DEAF1: variants seen among roughly 807,000 people sequenced by gnomAD.
DEAF1 encodes DEAF1 transcription factor.
A neutral mutation model predicts 58.9 loss-of-function variants in DEAF1; 53 were observed. That is an observed-to-expected ratio of 0.90 (90% CI 0.72 to 1.13). The LOEUF (loss-of-function observed/expected upper bound fraction) is 1.13. DEAF1 is among the 50% of genes most tolerant of loss of function. The pLI, the probability that DEAF1 is intolerant of heterozygous loss-of-function variation, is 0.00. For synonymous variants in DEAF1, 385 were observed against 340.4 expected (o/e 1.13, Z -1.44); for missense variants, 685 against 791.4 (o/e 0.87, Z 1.61).
intron 1 of DEAF1, among the ~76,000 whole-genome samples, chr11:693,059 A>T (rs759805910): frequency 4.6e-5 from 7 of 152,272 alleles, no homozygotes; most frequent in Non-Finnish European, 8.8e-5. Flanking sequence ...GAGTTACTTA[A>T]ACCTGGAAAC....
chr11:671,045 C>T (rs1859801907), intron 10 of DEAF1, among the ~76,000 whole-genome samples: 1 of 150,990 alleles, frequency 6.6e-6, no homozygotes, highest in Admixed American at 6.6e-5. Flanking sequence ...TCTCCTGCCT[C>T]AGCCTCCCAA....
upstream of DEAF1, among the ~76,000 whole-genome samples, chr11:696,048 C>T (rs1861136762): frequency 6.6e-6 from 1 of 151,928 alleles, no homozygotes. Context: ...CGAAGAGCTC[C>T]CCCGCGCGCG....
At chr11:654,207 C>A (rs541693271) in intron 10 of DEAF1, among the ~76,000 whole-genome samples, 156 bp from the exon 11 acceptor site, 1 of 132,972 alleles carries the variant, frequency 7.5e-6, no homozygotes, top group Non-Finnish European at 1.5e-5. Context: ...CTCACTCTGT[C>A]GCCCAGGCTG....
Position 688,424 on chromosome 11 carries a change from T to C in DEAF1, c.424A>G (p.Asn142Asp). The C allele has an allele frequency of 6.2e-7, 1 of 1,613,924 alleles. No individual in the cohort carries two copies. The highest frequency in any genetic ancestry group is 1.1e-5 in the South Asian group (1 of 91,072). The change falls in exon 3 of 12, where the codon AAC (asparagine) becomes GAC (aspartate). Residue 142 changes from asparagine (N) to aspartate (D), a missense_variant. Coordinates refer to ENST00000382409, the MANE Select transcript of DEAF1 (RefSeq NM_021008.4). The surrounding 1 kb of genome is among the most constrained non-coding windows in gnomAD (Gnocchi z 4.3). Reference sequence around the variant, plus strand: ...ACAATCAGTGTCGCTTTTTCGGTGTTCAGGCTGTCCCCGATCTGAAGGGCC... The same window carrying C: ...ACAATCAGTGTCGCTTTTTCGGTGTCCAGGCTGTCCCCGATCTGAAGGGCC... ...RTALQIGDSLNTEKATLIVVH... is the reference protein window; with the variant it reads ...RTALQIGDSLDTEKATLIVVH...
upstream of DEAF1, chr11:695,840 C>T (rs1007719586): frequency 3.4e-5 from 42 of 1,229,954 alleles, no homozygotes; most frequent in South Asian, 4.4e-4. Context: ...GGCGGCCCCG[C>T]GGCGAGGTGA....
Position 644,272 on chromosome 11 carries a change from T to C in DEAF1, c.*278A>G. 1.8e-6 allele frequency: 1 copy of C among 550,842 alleles called. No homozygotes were observed. Among genetic ancestry groups the C allele is most frequent in the South Asian group, 2.0e-5 (1 of 50,208 alleles). 34.1% of individuals were successfully genotyped at this position (550,842 alleles called of 1,614,324 possible). On this transcript the variant is annotated 3_prime_UTR_variant, in exon 12 of 12. Transcript: ENST00000382409. This position sits in a 1 kb window ranked among gnomAD's most constrained non-coding sequence, Gnocchi z 4.3. The stretch of plus-strand genomic sequence containing the variant: ...TTTATTGACAGACACAACACGTATG[T>C]ATGTGCGTCGCAGCACAGGCCCTGT...
At chr11:680,579 C>T (rs977391074) in intron 7 of DEAF1, among the ~76,000 whole-genome samples, 1 of 152,228 alleles carries the variant, frequency 6.6e-6, no homozygotes, top group Admixed American at 6.5e-5. Flanking sequence ...CGCCGCCCTC[C>T]AGCCCGGCCA....
At chr11:685,825 G>A (rs1860570041) in intron 5 of DEAF1, among the ~76,000 whole-genome samples, 1 of 151,738 alleles carries the variant, frequency 6.6e-6, no homozygotes, top group South Asian at 2.1e-4. Flanking sequence ...AGACCAACCT[G>A]ACCAACATGG....
chr11:689,393 A>C (rs1422672123), intron 2 of DEAF1, among the ~76,000 whole-genome samples: 1 of 142,954 alleles, frequency 7.0e-6, no homozygotes, highest in Non-Finnish European at 1.5e-5. Flanking sequence ...TTTTTTTTTT[A>C]GTAGAGATGG....
chr11:680,952 C>T lies in DEAF1; in HGVS notation c.997+11G>A. On this transcript the variant is annotated intron_variant, in intron 7 of 11. Coordinates refer to ENST00000382409, the MANE Select transcript of DEAF1 (RefSeq NM_021008.4). ...CCTCAGTAAACTAGAGCTGTGTTTT[C>T]TCAAACTCACAGGTGGTAGCCGCGG... 6.2e-7 allele frequency: 1 copy of T among 1,614,114 alleles called. No homozygotes were observed. Among genetic ancestry groups the T allele is most frequent in the Non-Finnish European group, 8.5e-7 (1 of 1,180,010 alleles).
chr11:648,834 A>G (rs188404355), intron 11 of DEAF1, among the ~76,000 whole-genome samples: 6 of 152,378 alleles, frequency 3.9e-5, no homozygotes, highest in East Asian at 1.9e-4. Context: ...GTGGTACACT[A>G]GAAAACACAA....
At chr11:674,429 C>T (rs1859964667) in intron 10 of DEAF1, 107 bp downstream of exon 10, 1 of 1,476,848 alleles carries the variant, frequency 6.8e-7, no homozygotes, top group Admixed American at 1.7e-5. Context: ...AAAGGTGGGG[C>T]AGGGGCCTTG....
chr11:659,415 A>AAAAG (rs1564929595), intron 10 of DEAF1, among the ~76,000 whole-genome samples: 1 of 152,106 alleles, frequency 6.6e-6, no homozygotes, highest in Non-Finnish European at 1.5e-5. Context: ...ATAATAATAA[A>AAAAG]AAAGAAAACC....
At chr11:704,263 T>C in intron 1 of DEAF1, 1 of 725,034 alleles carries the variant, frequency 1.4e-6, no homozygotes, top group Middle Eastern at 5.8e-4. Context: ...CGCCTTCCGC[T>C]CGGTGGACTC....
At chr11:678,652 G>C in intron 9 of DEAF1, 42 bp downstream of exon 9, 1 of 1,613,070 alleles carries the variant, frequency 6.2e-7, no homozygotes, top group Middle Eastern at 1.7e-4. Context: ...AAGCAATTCT[G>C]AGGACAATAA....
intron 9 of DEAF1, among the ~76,000 whole-genome samples, chr11:677,849 G>A (rs565653172): frequency 9.2e-5 from 14 of 152,142 alleles, no homozygotes; most frequent in African/African-American, 3.4e-4. Context: ...TGTAGTCCCA[G>A]CTACTCAGGA....
At chr11:698,815 G>C, upstream of DEAF1, 1 of 1,611,580 alleles carries the variant, frequency 6.2e-7, no homozygotes, top group Non-Finnish European at 8.5e-7. Context: ...AGCGAGACCC[G>C]GGAAAGCATC....
chr11:704,605 AC>A (rs1564965214), intron 1 of DEAF1: 2 of 427,042 alleles, frequency 4.7e-6, no homozygotes, highest in Admixed American at 5.3e-5. Flanking sequence ...CCAGGGAAGG[AC>A]CCCCTCCCTG....
Position 679,911 on chromosome 11 carries a change from C to G in DEAF1, c.998-95G>C, listed in dbSNP as rs544786051. On this transcript the variant is annotated intron_variant, in intron 7 of 11. Transcript: ENST00000382409. The stretch of plus-strand genomic sequence containing the variant: ...CACGGGCGCCAATCCTTGTGGGGGC[C>G]TGGGCTGAAGGGCGGGCAGTGGTAA... 2.0e-4 allele frequency: 315 copies of G among 1,561,524 alleles called. 2 individuals are homozygous for G. In the African/African-American group the frequency reaches 3.9e-3, roughly 20 times the overall value.
Sources: allele counts gnomAD v4.1 joint callset (sites outside exome capture counted in the v4.1 genomes callset), GRCh38; gene constraint gnomAD v4.1.1; non-coding constraint Gnocchi (gnomAD v3.1); transcripts MANE v1.5; gene names NCBI Gene and HGNC (gene_info 2026-07-23, HGNC 2026-07-21).